The following NTM variants were observed in gnomAD, a reference collection of about 807,000 sequenced individuals.
The protein encoded by NTM is IgLON family member 2.
In NTM, 13 loss-of-function variants were observed where a neutral mutation model predicts 42.1. The ratio of observed to expected loss-of-function variants is 0.31; its 90% confidence interval spans 0.20 to 0.49. The LOEUF (loss-of-function observed/expected upper bound fraction) is 0.49. Among genes scored for constraint, NTM ranks in the 20% least tolerant of loss-of-function variants. The pLI, the probability that NTM is intolerant of heterozygous loss-of-function variation, is 0.99. For missense variants in NTM, 373 were observed against 452.8 expected, an observed-to-expected ratio of 0.82 and a Z score of 1.60; for synonymous variants, 187 against 179.2, an observed-to-expected ratio of 1.04 and a Z score of -0.35.
intron 4 of NTM, among the ~76,000 whole-genome samples, chr11:132,245,329 C>T (rs1023880534): frequency 2.6e-5 from 4 of 151,980 alleles, no homozygotes; most frequent in East Asian, 3.9e-4. Context: ...AGCATTCAGA[C>T]GGGAGGTGAA....
At chr11:132,199,521 T>G (rs1178722813) in intron 3 of NTM, among the ~76,000 whole-genome samples, 1 of 152,172 alleles carries the variant, frequency 6.6e-6, no homozygotes, top group Non-Finnish European at 1.5e-5. Context: ...CACAATTGCA[T>G]TTCTCATAGT....
intron 1 of NTM, among the ~76,000 whole-genome samples, chr11:131,673,523 AC>A (rs2070793782): frequency 6.6e-6 from 1 of 152,188 alleles, no homozygotes; most frequent in South Asian, 2.1e-4. Context: ...CATCTGGGTC[AC>A]CTGCCCACCT....
intron 2 of NTM, among the ~76,000 whole-genome samples, chr11:131,929,393 C>T (rs2058339474): frequency 6.6e-6 from 1 of 151,824 alleles, no homozygotes. Flanking sequence ...TTTTATTCTT[C>T]GTCTTATGGG....
intron 2 of NTM, among the ~76,000 whole-genome samples, chr11:132,041,647 G>A (rs2077220106): frequency 6.6e-6 from 1 of 152,116 alleles, no homozygotes; most frequent in Non-Finnish European, 1.5e-5. Flanking sequence ...CTCTCTCCAC[G>A]GTAAATGGGA....
At chr11:131,814,157 A>G (rs1402687942) in intron 1 of NTM, among the ~76,000 whole-genome samples, 2 of 152,192 alleles carry the variant, frequency 1.3e-5, no homozygotes, top group African/African-American at 4.8e-5. Flanking sequence ...ATGTGCTCCC[A>G]TTGCAGTAAA....
intron 3 of NTM, among the ~76,000 whole-genome samples, chr11:132,204,692 G>A (rs2081686755): frequency 6.6e-6 from 1 of 152,148 alleles, no homozygotes; most frequent in Non-Finnish European, 1.5e-5. Flanking sequence ...TGGAGAGGGA[G>A]GCGGCATCCA....
intron 3 of NTM, among the ~76,000 whole-genome samples, chr11:132,186,904 G>T (rs1276318478): frequency 6.6e-6 from 1 of 152,178 alleles, no homozygotes; most frequent in East Asian, 1.9e-4. Context: ...AACGCTAGGT[G>T]GCGCCCTGTG....
chr11:132,214,269 G>C (rs939399098), intron 4 of NTM, among the ~76,000 whole-genome samples: 1 of 152,290 alleles, frequency 6.6e-6, no homozygotes, highest in South Asian at 2.1e-4. Flanking sequence ...ATCACAGCCT[G>C]ATGTGAGTCC....
chr11:131,559,361 C>T (rs2055903380), intron 1 of NTM, among the ~76,000 whole-genome samples: 1 of 152,224 alleles, frequency 6.6e-6, no homozygotes, highest in African/African-American at 2.4e-5. Flanking sequence ...TGTTTCTTGA[C>T]AGTTCTCTGG....
At chr11:131,894,310 A>G (rs1382660763) in intron 1 of NTM, among the ~76,000 whole-genome samples, 4 of 152,332 alleles carry the variant, frequency 2.6e-5, no homozygotes, top group South Asian at 2.1e-4. Flanking sequence ...ACTTTCACCC[A>G]TACATGGGTC....
chr11:131,903,377 T>A (rs2137754874), intron 1 of NTM, among the ~76,000 whole-genome samples: 1 of 152,362 alleles, frequency 6.6e-6, no homozygotes, highest in South Asian at 2.1e-4. Context: ...TTACTGTAAG[T>A]TTAAATAAAT....
intron 4 of NTM, among the ~76,000 whole-genome samples, chr11:132,303,139 G>C (rs369681457): frequency 6.6e-6 from 1 of 152,230 alleles, no homozygotes; most frequent in Admixed American, 6.5e-5. Flanking sequence ...CAATAGTGCA[G>C]AACAGCCAGA....
intron 1 of NTM, among the ~76,000 whole-genome samples, chr11:131,789,349 AAATAAT>A (rs144547552): frequency 8.9e-6 from 1 of 112,804 alleles, no homozygotes; most frequent in Admixed American, 8.8e-5. Context: ...GTGAATTTAA[AAATAAT>A]AATAATAATA....
At chr11:132,215,013 C>T (rs1242857112) in intron 4 of NTM, among the ~76,000 whole-genome samples, 3 of 152,240 alleles carry the variant, frequency 2.0e-5, no homozygotes, top group African/African-American at 7.2e-5. Flanking sequence ...CACTTGGCTG[C>T]TGCCCAATAT....
At chr11:132,032,625 C>A (rs2076067708) in intron 2 of NTM, among the ~76,000 whole-genome samples, 1 of 152,152 alleles carries the variant, frequency 6.6e-6, no homozygotes, top group African/African-American at 2.4e-5. Flanking sequence ...TCACCAATCC[C>A]TACTCCAACA....
At chr11:131,795,430 T>C (rs2091446077) in intron 1 of NTM, 5 of 985,272 alleles carry the variant, frequency 5.1e-6, no homozygotes, top group Admixed American at 6.2e-5. Context: ...AATACACTAT[T>C]GGTATAAAGT....
chr11:132,279,497 G>A (rs780023328), intron 4 of NTM, among the ~76,000 whole-genome samples: 10 of 152,090 alleles, frequency 6.6e-5, no homozygotes, highest in African/African-American at 9.7e-5. Context: ...CCACATGTTC[G>A]CACTTAATGC....
intron 1 of NTM, among the ~76,000 whole-genome samples, chr11:131,805,357 C>G (rs190290547): frequency 9.5e-4 from 145 of 152,284 alleles, no homozygotes; most frequent in African/African-American, 3.3e-3. Context: ...CTAAACAAAG[C>G]TCAGCGTACA....
At chr11:132,154,692 T>A (rs1253571642) in intron 3 of NTM, among the ~76,000 whole-genome samples, 1 of 152,218 alleles carries the variant, frequency 6.6e-6, no homozygotes, top group African/African-American at 2.4e-5. Flanking sequence ...AGAGTCCTCA[T>A]ACAAATGAGA....
Sources: allele counts gnomAD v4.1 joint callset (sites outside exome capture counted in the v4.1 genomes callset), GRCh38; gene constraint gnomAD v4.1.1; transcripts MANE v1.5; gene names NCBI Gene and HGNC (gene_info 2026-07-23, HGNC 2026-07-21).